The following HS6ST3 variants were observed in gnomAD, a reference collection of about 807,000 sequenced individuals.
The protein encoded by HS6ST3 is heparan sulfate 6-O-sulfotransferase 3, also known as heparan-sulfate 6-O-sulfotransferase 3.
HS6ST3 carries 12 observed loss-of-function variants against 36.7 expected under a neutral mutation model. The observed-to-expected ratio is 0.33, with a 90% CI of 0.21 to 0.53. The LOEUF is 0.53. HS6ST3 is among the 20% of genes least tolerant of loss of function. The pLI, the probability that HS6ST3 is intolerant of heterozygous loss-of-function variation, is 0.95. For missense variants in HS6ST3, 584 were observed against 640.9 expected, an observed-to-expected ratio of 0.91 and a Z score of 0.96; for synonymous variants, 240 against 257.5, an observed-to-expected ratio of 0.93 and a Z score of 0.65.
In HS6ST3 at chr13:96,838,519, A is replaced by C. The variant is rs1262454236; in HGVS notation, c.*5321A>C. ...ACTGCATGTCTTCAGGCTGGGTATT[A>C]GGGCTGGCTGGGTCTGATGATTCTA... On this transcript the variant is annotated 3_prime_UTR_variant, in exon 2 of 2. Coordinates refer to ENST00000376705, the MANE Select transcript of HS6ST3 (RefSeq NM_153456.4). 1 of 152,256 alleles carries C rather than the reference A, an allele frequency of 6.6e-6. No individual in the cohort carries two copies. The highest frequency in any genetic ancestry group is 2.4e-5 in the African/African-American group (1 of 41,446). 9.4% of individuals were successfully genotyped at this position (152,256 alleles called of 1,614,324 possible).
At chr13:96,685,557 C>T (rs1332198431) in intron 1 of HS6ST3, among the ~76,000 whole-genome samples, 1 of 152,072 alleles carries the variant, frequency 6.6e-6, no homozygotes, top group Non-Finnish European at 1.5e-5. Context: ...AGCTAACACA[C>T]TGACACAGTT....
chr13:96,824,163 G>T (rs1165695492), intron 1 of HS6ST3, among the ~76,000 whole-genome samples: 1 of 152,204 alleles, frequency 6.6e-6, no homozygotes, highest in Non-Finnish European at 1.5e-5. Flanking sequence ...CAAGATACAT[G>T]GGTAGTAAGC....
rs185029779 is a variant in HS6ST3, at chr13:96,192,529, A to T, written c.707+100960A>T. On this transcript the variant is annotated intron_variant, in intron 1 of 1. Coordinates refer to ENST00000376705, the MANE Select transcript of HS6ST3 (RefSeq NM_153456.4). ...ACCCATTGTTTAGCTCCCCCTTTTAAGTGAGAACTTGTGTTATTTGGTTTT... is the reference window on the plus strand; with the variant it reads ...ACCCATTGTTTAGCTCCCCCTTTTATGTGAGAACTTGTGTTATTTGGTTTT... Among the ~76,000 whole-genome samples, 72 of 151,528 alleles carry T rather than the reference A, an allele frequency of 4.8e-4. 1 individual carries two copies. The highest frequency in any genetic ancestry group is 3.4e-3 in the Middle Eastern group (1 of 292).
chr13:96,526,440 G>T, intron 1 of HS6ST3, among the ~76,000 whole-genome samples: 1 of 152,148 alleles, frequency 6.6e-6, no homozygotes, highest in East Asian at 1.9e-4. Flanking sequence ...CTGAGATCCA[G>T]CAGTGTTAGT....
chr13:96,462,171 G>A (rs931268953), intron 1 of HS6ST3, among the ~76,000 whole-genome samples: 4 of 152,136 alleles, frequency 2.6e-5, no homozygotes, highest in Non-Finnish European at 5.9e-5. Flanking sequence ...CTGGGCTCAA[G>A]CAATCCTCCC....
At chr13:96,704,581 G>A (rs1875370637) in intron 1 of HS6ST3, among the ~76,000 whole-genome samples, 1 of 152,120 alleles carries the variant, frequency 6.6e-6, no homozygotes, top group African/African-American at 2.4e-5. Flanking sequence ...TCTTGAGTTG[G>A]GTACCCTGAG....
At chr13:96,581,074 A>G (rs1201204962) in intron 1 of HS6ST3, among the ~76,000 whole-genome samples, 2 of 152,212 alleles carry the variant, frequency 1.3e-5, no homozygotes, top group African/African-American at 4.8e-5. Flanking sequence ...TCTATTTCAT[A>G]CATGCTTTTT....
intron 1 of HS6ST3, among the ~76,000 whole-genome samples, chr13:96,317,328 A>T (rs1382366466): frequency 2.8e-3 from 53 of 18,672 alleles, no homozygotes; most frequent in Non-Finnish European, 3.5e-3. Flanking sequence ...GTATTCCATT[A>T]TATATATATA....
At chr13:96,126,736 GTTGTTTATTTATC>G (rs762218616) in intron 1 of HS6ST3, among the ~76,000 whole-genome samples, 35 of 152,176 alleles carry the variant, frequency 2.3e-4, no homozygotes, top group Non-Finnish European at 4.0e-4. Context: ...TTTCATCACT[GTTGTTTATTTATC>G]TTATTAGGGC....
chr13:96,354,993 A>G (rs534166666), intron 1 of HS6ST3, among the ~76,000 whole-genome samples: 1 of 152,296 alleles, frequency 6.6e-6, no homozygotes, highest in East Asian at 1.9e-4. Context: ...GAATATCTTA[A>G]GCAACTAAAC....
intron 1 of HS6ST3, among the ~76,000 whole-genome samples, chr13:96,800,186 T>C (rs959218803): frequency 6.6e-6 from 1 of 150,648 alleles, no homozygotes. Flanking sequence ...TTACAGTAAT[T>C]TTATATATAG....
intron 1 of HS6ST3, among the ~76,000 whole-genome samples, chr13:96,369,855 A>T (rs1366484792): frequency 6.6e-6 from 1 of 152,078 alleles, no homozygotes; most frequent in Non-Finnish European, 1.5e-5. Context: ...TGTTTTCAGA[A>T]GATCTTTTTT....
chr13:96,206,749 G>A (rs866278756), intron 1 of HS6ST3, among the ~76,000 whole-genome samples: 11 of 151,930 alleles, frequency 7.2e-5, no homozygotes, highest in Admixed American at 2.0e-4. Flanking sequence ...GACAACTGGC[G>A]AGCCATATGC....
chr13:96,297,147 T>C (rs1380086105), intron 1 of HS6ST3, among the ~76,000 whole-genome samples: 4 of 152,166 alleles, frequency 2.6e-5, no homozygotes, highest in Non-Finnish European at 5.9e-5. Context: ...TAACTGTTTT[T>C]TACTGTTTTA....
intron 1 of HS6ST3, among the ~76,000 whole-genome samples, chr13:96,630,742 T>C (rs1426224436): frequency 6.6e-6 from 1 of 152,166 alleles, no homozygotes; most frequent in Non-Finnish European, 1.5e-5. Context: ...TTCACTTTAT[T>C]TGGGGCTTTC....
intron 1 of HS6ST3, among the ~76,000 whole-genome samples, chr13:96,500,365 C>A (rs760905895): frequency 1.3e-5 from 2 of 152,128 alleles, no homozygotes; most frequent in African/African-American, 2.4e-5. Context: ...TACCTTCTGG[C>A]TGTTATAAAT....
chr13:96,636,528 C>G (rs2056550438), intron 1 of HS6ST3, among the ~76,000 whole-genome samples: 1 of 152,094 alleles, frequency 6.6e-6, no homozygotes, highest in South Asian at 2.1e-4. Context: ...CTGGGCAAAT[C>G]AACTGATTTC....
At chr13:96,350,822 C>G (rs2055178134) in intron 1 of HS6ST3, among the ~76,000 whole-genome samples, 1 of 152,182 alleles carries the variant, frequency 6.6e-6, no homozygotes, top group Non-Finnish European at 1.5e-5. Context: ...TATTAAAAAT[C>G]AATTTATCAG....
chr13:96,205,361 G>T (rs1401026934), intron 1 of HS6ST3, among the ~76,000 whole-genome samples: 6 of 152,196 alleles, frequency 3.9e-5, no homozygotes, highest in South Asian at 2.1e-4. Context: ...AAAAAGCCCA[G>T]GATCATCCAG....
Sources: gnomAD v4.1 joint callset for allele counts (sites outside exome capture counted in the v4.1 genomes callset) on GRCh38, gnomAD v4.1.1 for gene constraint, MANE v1.5 for transcripts, NCBI Gene and HGNC (gene_info 2026-07-23, HGNC 2026-07-21) for gene names.